The following SLC44A5 variants were observed in gnomAD, a reference collection of about 807,000 sequenced individuals.
SLC44A5 encodes the protein choline transporter-like protein 5.
SLC44A5 carries 57 observed loss-of-function variants against 101.8 expected under a neutral mutation model. The ratio of observed to expected loss-of-function variants is 0.56; its 90% CI spans 0.45 to 0.70. SLC44A5 has a LOEUF of 0.70. Ranked by LOEUF, SLC44A5 falls within the 30% of genes least tolerant of loss-of-function variation. The pLI is 0.00. For synonymous variants in SLC44A5, 281 were observed against 290.9 expected, an observed-to-expected ratio of 0.97 and a Z score of 0.35; for missense variants, 737 against 853.1, an observed-to-expected ratio of 0.86 and a Z score of 1.70.
chr1:75,647,193 A>G, the SLC44A5 span, among the ~76,000 whole-genome samples: 2 of 152,200 alleles, frequency 1.3e-5, no homozygotes, highest in South Asian at 2.1e-4. Context: ...AGGGGCCAAC[A>G]TATAGCCCAG....
chr1:75,312,015 C>G (rs1655341277), intron 4 of SLC44A5, among the ~76,000 whole-genome samples: 2 of 152,054 alleles, frequency 1.3e-5, no homozygotes. Flanking sequence ...CCACAATTCC[C>G]ACATGTTGAT....
At chr1:75,611,632 T>G (rs1675661633), upstream of SLC44A5, among the ~76,000 whole-genome samples, 1 of 152,202 alleles carries the variant, frequency 6.6e-6, no homozygotes, top group Non-Finnish European at 1.5e-5. Context: ...AGAGACTTTG[T>G]AAACATCTGT....
At chr1:75,422,836 ACTCT>A (rs1223672640) in intron 2 of SLC44A5, among the ~76,000 whole-genome samples, 1 of 152,208 alleles carries the variant, frequency 6.6e-6, no homozygotes, top group East Asian at 1.9e-4. Flanking sequence ...CTAGATTTTG[ACTCT>A]AGGTCTATTG....
At chr1:75,388,274 C>T (rs111226767) in intron 3 of SLC44A5, among the ~76,000 whole-genome samples, 1 of 144,536 alleles carries the variant, frequency 6.9e-6, no homozygotes, top group Admixed American at 6.8e-5. Context: ...AAAGAAAATT[C>T]ATTACCACTA....
intron 2 of SLC44A5, among the ~76,000 whole-genome samples, chr1:75,507,501 C>T (rs778642182): frequency 3.9e-5 from 6 of 151,962 alleles, no homozygotes; most frequent in Non-Finnish European, 8.8e-5. Flanking sequence ...GGGTACTGAC[C>T]TGTGGTTTTA....
At chr1:75,362,399 C>A (rs1429577769) in intron 3 of SLC44A5, among the ~76,000 whole-genome samples, 1 of 151,734 alleles carries the variant, frequency 6.6e-6, no homozygotes. Flanking sequence ...TTTGAACTCT[C>A]TTCTTTTTGG....
intron 1 of SLC44A5, among the ~76,000 whole-genome samples, chr1:75,597,978 A>G (rs1674747117): frequency 6.6e-6 from 1 of 152,212 alleles, no homozygotes; most frequent in Non-Finnish European, 1.5e-5. Flanking sequence ...GCACAGCAAA[A>G]GAAACTACCA....
intron 4 of SLC44A5, among the ~76,000 whole-genome samples, chr1:75,336,004 GGTGT>G (rs1233034894): frequency 1.3e-5 from 2 of 151,974 alleles, no homozygotes; most frequent in Non-Finnish European, 2.9e-5. Flanking sequence ...CTTGTCATCT[GGTGT>G]GTAATTTCCC....
the SLC44A5 span, among the ~76,000 whole-genome samples, chr1:75,720,692 T>C: frequency 2.0e-5 from 3 of 152,198 alleles, no homozygotes; most frequent in Non-Finnish European, 4.4e-5. Flanking sequence ...TGAGTGATCA[T>C]GGCCCACGAC....
At chr1:75,355,364 C>T (rs1658989745) in intron 3 of SLC44A5, among the ~76,000 whole-genome samples, 1 of 152,016 alleles carries the variant, frequency 6.6e-6, no homozygotes, top group South Asian at 2.1e-4. Context: ...CAATATGTAA[C>T]CTTGAAAAAA....
At chr1:75,536,985 G>A in intron 2 of SLC44A5, among the ~76,000 whole-genome samples, 1 of 96,090 alleles carries the variant, frequency 1.0e-5, no homozygotes, top group South Asian at 4.6e-4. Flanking sequence ...CAGCCTGGGC[G>A]ACAGAGCGAG....
intron 2 of SLC44A5, among the ~76,000 whole-genome samples, chr1:75,462,639 G>A (rs371610963): frequency 4.6e-5 from 7 of 152,006 alleles, no homozygotes; most frequent in South Asian, 2.1e-4. Flanking sequence ...TCAAGATAAC[G>A]CAGAGAAGGA....
chr1:75,383,318 C>A (rs1358359575), intron 3 of SLC44A5, among the ~76,000 whole-genome samples: 1 of 135,656 alleles, frequency 7.4e-6, no homozygotes, highest in Non-Finnish European at 1.6e-5. Flanking sequence ...CTGGCGGGAT[C>A]CTCCATATGC....
the SLC44A5 span, among the ~76,000 whole-genome samples, chr1:75,682,732 A>T: frequency 6.7e-6 from 1 of 150,256 alleles, no homozygotes; most frequent in Non-Finnish European, 1.5e-5. Flanking sequence ...AAGCAATGGC[A>T]ACAAAAGCCA....
At chr1:75,246,182 G>A (rs191808283) in intron 7 of SLC44A5, among the ~76,000 whole-genome samples, 36 of 152,160 alleles carry the variant, frequency 2.4e-4, no homozygotes, top group Non-Finnish European at 4.6e-4. Flanking sequence ...TTAACACTCA[G>A]TTACAAATTG....
chr1:75,433,196 T>C (rs545210481), intron 2 of SLC44A5, among the ~76,000 whole-genome samples: 2 of 152,248 alleles, frequency 1.3e-5, no homozygotes, highest in Admixed American at 1.3e-4. Flanking sequence ...CAATAAATAT[T>C]TATGGATTAA....
intron 4 of SLC44A5, among the ~76,000 whole-genome samples, chr1:75,328,808 C>A (rs1656803696): frequency 6.6e-6 from 1 of 152,162 alleles, no homozygotes; most frequent in East Asian, 1.9e-4. Flanking sequence ...CTGTTCAGCC[C>A]CTCTGGGGTA....
chr1:75,324,932 C>G (rs899483419), intron 4 of SLC44A5, among the ~76,000 whole-genome samples: 1 of 152,140 alleles, frequency 6.6e-6, no homozygotes, highest in Non-Finnish European at 1.5e-5. Context: ...TTAAAGTGCT[C>G]TCACTATTTT....
rs191508317 is a variant in SLC44A5, at chr1:75,560,748, T to C, written c.-69-19232A>G. On this transcript the variant is annotated intron_variant, in intron 1 of 23. Coordinates refer to ENST00000370859, the MANE Select transcript of SLC44A5 (RefSeq NM_001130058.2). ...GAGATGGAAGAAGCTCAGTTTCTAC[T>C]CACTGAAACAGGCTTGTCCCTGAAA... is the stretch of plus-strand genomic sequence containing the variant. Among the ~76,000 whole-genome samples, 739 of 152,294 alleles carry C rather than the reference T, an allele frequency of 4.9e-3. 3 individuals carry two copies. The highest frequency in any genetic ancestry group is 6.5e-3 in the Non-Finnish European group (445 of 68,032).
Sources: gnomAD v4.1 joint callset for allele counts (sites outside exome capture counted in the v4.1 genomes callset) on GRCh38, gnomAD v4.1.1 for gene constraint, MANE v1.5 for transcripts, NCBI Gene and HGNC (gene_info 2026-07-23, HGNC 2026-07-21) for gene names.